PEX26: variants seen among roughly 807,000 people sequenced by gnomAD.
PEX26 encodes peroxisomal biogenesis factor 26, also known as peroxisome assembly protein 26.
In PEX26, 18 loss-of-function variants were observed where a neutral mutation model predicts 31.4. That is an observed-to-expected ratio of 0.57 (90% CI 0.40 to 0.85). The LOEUF (loss-of-function observed/expected upper bound fraction) is 0.85, where lower values mean the gene tolerates loss of function less well. Among genes scored for constraint, PEX26 ranks in the 40% least tolerant of loss-of-function variants. The probability of loss-of-function intolerance (pLI) is 0.00; values close to 1 mark genes in which losing one functional copy is unlikely to be tolerated. For synonymous variants in PEX26, 176 were observed against 166.9 expected (o/e 1.05, Z -0.42); for missense variants, 377 against 383.9 (o/e 0.98, Z 0.15).
In PEX26 at chr22:18,085,210, C is replaced by T. The variant is rs149976406; in HGVS notation, c.766C>T (p.Leu256Phe). ...CTTTTCTCTGCCCTTCAAAAAGAGT[C>T]TCCTGGCTGCCTTGATCCTCTGTCT... ...HFFSLPFKKS[L>F]LAALILCLLV... The change falls in exon 4 of 5, where the codon CTC (leucine) becomes TTC (phenylalanine). Residue 256 changes from leucine (L) to phenylalanine (F), a missense_variant. Physicochemically the swap from Leu to Phe is conservative, Grantham distance 22. Transcript: ENST00000399744. 1.9e-6 allele frequency: 3 copies of T among 1,614,172 alleles called. No individual in the cohort carries two copies. The highest frequency in any genetic ancestry group is 4.5e-5 in the East Asian group (2 of 44,884).
chr22:18,099,898 A>C lies in PEX26; in HGVS notation c.*11823A>C, dbSNP rs1469329955. ...CTGAATTTAAGAGCCACCCTAATCCAGGATGATCTCATCTTGAGGTCCTCA... is the reference window on the plus strand; with the variant it reads ...CTGAATTTAAGAGCCACCCTAATCCCGGATGATCTCATCTTGAGGTCCTCA... On this transcript the variant is annotated 3_prime_UTR_variant, in exon 5 of 5. Coordinates refer to ENST00000399744, the MANE Select transcript of PEX26 (RefSeq NM_001127649.3). The C allele has an allele frequency of 6.6e-6, 1 of 152,206 alleles. No individual in the cohort carries two copies. Among genetic ancestry groups the C allele is most frequent in the East Asian group, 1.9e-4 (1 of 5,198 alleles). The allele number at this position is 152,206 out of a possible 1,614,324, so 9.4% of individuals were successfully genotyped here.
chr22:18,098,944 CTG>C lies in PEX26; in HGVS notation c.*10872_*10873del, dbSNP rs1197648887. 1.3e-5 allele frequency: 2 copies of C among 152,208 alleles called. No homozygotes were observed. Among genetic ancestry groups the C allele is most frequent in the African/African-American group, 4.8e-5 (2 of 41,450 alleles). The allele number at this position is 152,208 out of a possible 1,614,324, so 9.4% of individuals were successfully genotyped here. On this transcript the variant is annotated 3_prime_UTR_variant, in exon 5 of 5. Coordinates refer to ENST00000399744, the MANE Select transcript of PEX26 (RefSeq NM_001127649.3). ...TAGATTTAAATGGTCCAATAGAGAA[CTG>C]TGCATACAATTACATAGGCAACCAC... is the stretch of plus-strand genomic sequence containing the variant.
intron 3 of PEX26, 121 bp downstream of exon 3, chr22:18,083,853 G>A: frequency 1.1e-6 from 1 of 914,574 alleles, no homozygotes; most frequent in Non-Finnish European, 1.7e-6. Flanking sequence ...TAACTCTTGA[G>A]TCACAGAATA....
chr22:18,086,040 G>A (rs1734230308), intron 4 of PEX26, among the ~76,000 whole-genome samples: 1 of 152,180 alleles, frequency 6.6e-6, no homozygotes, highest in African/African-American at 2.4e-5. Context: ...GCTCACACCT[G>A]TAATCCCAGC....
At position 18,089,419 on chromosome 22, in the gene PEX26, A is replaced by C. The variant is rs180675130; in HGVS notation, c.*1344A>C. 7 of 152,834 alleles carry C rather than the reference A, an allele frequency of 4.6e-5. No homozygotes were observed. The East Asian group carries it at 1.3e-3, about 29-fold the overall frequency. 9.5% of individuals were successfully genotyped at this position (152,834 alleles called of 1,614,324 possible). A position where few individuals can be genotyped will look rare whatever the true frequency, so the allele number is the denominator to read the frequency against. On this transcript the variant is annotated 3_prime_UTR_variant, in exon 5 of 5. Coordinates refer to ENST00000399744, the MANE Select transcript of PEX26 (RefSeq NM_001127649.3). ...AACAATAAAACCTTAGGGAGGTGGCACCGAGGCCTTAGCATTTGAGGAGCT... is the reference window on the plus strand; with the variant it reads ...AACAATAAAACCTTAGGGAGGTGGCCCCGAGGCCTTAGCATTTGAGGAGCT...
rs957385441 is a variant in PEX26, at chr22:18,104,203, C to T, written c.*16128C>T. The T allele has an allele frequency of 9.2e-5, 14 of 152,078 alleles. No homozygotes were observed. The highest frequency in any genetic ancestry group is 3.9e-4 in the Admixed American group (6 of 15,236). The allele number at this position is 152,078 out of a possible 1,614,324, so 9.4% of individuals were successfully genotyped here. ...CTTTCCTAGTCTATCCCACACAGACCTTTAGGTGCTCTTTTTTTTCTTTTT... is the reference window on the plus strand; with the variant it reads ...CTTTCCTAGTCTATCCCACACAGACTTTTAGGTGCTCTTTTTTTTCTTTTT... On this transcript the variant is annotated 3_prime_UTR_variant, in exon 5 of 5. Transcript: ENST00000399744.
intron 2 of PEX26, 93 bp from the exon 3 acceptor site, chr22:18,083,344 C>A: frequency 7.7e-7 from 1 of 1,301,356 alleles, no homozygotes; most frequent in Non-Finnish European, 1.1e-6. Flanking sequence ...TGAGGAGGGG[C>A]TGGATAGGAG....
rs361571 is a variant in PEX26, at chr22:18,089,733, T to TCTCA, written c.*1661_*1662insACTC. The stretch of plus-strand genomic sequence containing the variant: ...TTGTTTGTTTGTTTTTGAGATGGAG[T>TCTCA]CTCTGTCACCCAGGCTGGAGTGCAG... On this transcript the variant is annotated 3_prime_UTR_variant, in exon 5 of 5. Transcript: ENST00000399744. 151,571 of 152,818 alleles carry TCTCA rather than the reference T, an allele frequency of 0.99. 75,179 individuals are homozygous for TCTCA. The highest frequency in any genetic ancestry group is 1 in the East Asian group (5,200 of 5,202). 9.5% of individuals were successfully genotyped at this position (152,818 alleles called of 1,614,324 possible). A position where few individuals can be genotyped will look rare whatever the true frequency, so the allele number is the denominator to read the frequency against.
rs1927578565 is a variant in PEX26 at position 18,105,156 on chromosome 22, A to G, written c.*17081A>G. The stretch of plus-strand genomic sequence containing the variant: ...ATCATGACCTCCATCTGTAACACCC[A>G]CCATCCTGGAGCAGCATCCTGGATA... On this transcript the variant is annotated 3_prime_UTR_variant, in exon 5 of 5. Coordinates refer to ENST00000399744, the MANE Select transcript of PEX26 (RefSeq NM_001127649.3). The G allele has an allele frequency of 6.6e-6, 1 of 152,106 alleles. No individual in the cohort carries two copies. The allele number at this position is 152,106 out of a possible 1,614,324, so 9.4% of individuals were successfully genotyped here. A position where few individuals can be genotyped will look rare whatever the true frequency, so the allele number is the denominator to read the frequency against.
At chr22:18,087,764 G>A (rs182483448) in intron 4 of PEX26, among the ~76,000 whole-genome samples, 4 of 152,290 alleles carry the variant, frequency 2.6e-5, no homozygotes, top group Admixed American at 2.0e-4. Context: ...GCTGAGGATC[G>A]CATGAGCCCC....
rs1228893175 is a variant in PEX26 at position 18,105,028 on chromosome 22, C to T, written c.*16953C>T. 2 of 152,154 alleles carry T rather than the reference C, an allele frequency of 1.3e-5. No homozygotes were observed. Among genetic ancestry groups the T allele is most frequent in the Non-Finnish European group, 2.9e-5 (2 of 68,048 alleles). The allele number at this position is 152,154 out of a possible 1,614,324, so 9.4% of individuals were successfully genotyped here. A position where few individuals can be genotyped will look rare whatever the true frequency, so the allele number is the denominator to read the frequency against. ...TCTAGATAATCTAATGGTAAGATAT[C>T]GTTTGCTCTCTGGACTTCATGGGCT... On this transcript the variant is annotated 3_prime_UTR_variant, in exon 5 of 5. Coordinates refer to ENST00000399744, the MANE Select transcript of PEX26 (RefSeq NM_001127649.3).
intron 1 of PEX26, chr22:18,079,113 T>C (rs1926442438): frequency 1.6e-6 from 1 of 610,384 alleles, no homozygotes; most frequent in Non-Finnish European, 2.1e-6. Context: ...GGCAGGAGGA[T>C]TGCTTGAGCC....
rs1927002069 is a variant in PEX26, at chr22:18,089,694, T to TTTG, written c.*1621_*1622insGTT. The TTTG allele has an allele frequency of 8.0e-6, 1 of 124,678 alleles. No individual in the cohort carries two copies. Among genetic ancestry groups the TTTG allele is most frequent in the Admixed American group, 9.4e-5 (1 of 10,646 alleles). The allele number at this position is 124,678 out of a possible 1,614,324, so 7.7% of individuals were successfully genotyped here. ...TTGCAAGGCAACAAGTTTTCTTTTG[T>TTTG]TTTGTTTGTTTGTTTGTTTGTTTGT... On this transcript the variant is annotated 3_prime_UTR_variant, in exon 5 of 5. Transcript: ENST00000399744.
In PEX26 at chr22:18,095,763, A is replaced by C. The variant is rs1180777636; in HGVS notation, c.*7688A>C. 6.6e-6 allele frequency: 1 copy of C among 150,872 alleles called. No individual in the cohort carries two copies. The highest frequency in any genetic ancestry group is 1.5e-5 in the Non-Finnish European group (1 of 67,952). The allele number at this position is 150,872 out of a possible 1,614,324, so 9.3% of individuals were successfully genotyped here. A position where few individuals can be genotyped will look rare whatever the true frequency, so the allele number is the denominator to read the frequency against. On this transcript the variant is annotated 3_prime_UTR_variant, in exon 5 of 5. Transcript: ENST00000399744. Reference sequence around the variant, plus strand: ...CCCCAATGGAGTAATTTGCTGCGTAAATGAGAGACATCATGGGATTGTGGT... The same window carrying C: ...CCCCAATGGAGTAATTTGCTGCGTACATGAGAGACATCATGGGATTGTGGT...
chr22:18,084,244 T>C (rs1201850511), intron 3 of PEX26, among the ~76,000 whole-genome samples: 1 of 149,734 alleles, frequency 6.7e-6, no homozygotes, highest in Non-Finnish European at 1.5e-5. Flanking sequence ...TCTCTTTTTT[T>C]TTTTTTTTTT....
Position 18,093,529 on chromosome 22 carries a change from C to G in PEX26, c.*5454C>G, listed in dbSNP as rs1188153085. 2.0e-5 allele frequency: 3 copies of G among 150,804 alleles called. No homozygotes were observed. The highest frequency in any genetic ancestry group is 6.6e-5 in the Admixed American group (1 of 15,098). 9.3% of individuals were successfully genotyped at this position (150,804 alleles called of 1,614,324 possible). ...AGTGAGCCTAGATGGCGCCACTGCA[C>G]TCCAGCCTGGGGGACAGAGCAAGAC... On this transcript the variant is annotated 3_prime_UTR_variant, in exon 5 of 5. Coordinates refer to ENST00000399744, the MANE Select transcript of PEX26 (RefSeq NM_001127649.3).
chr22:18,079,057 G>C (rs900191155), intron 1 of PEX26: 1 of 188,716 alleles, frequency 5.3e-6, no homozygotes, highest in Admixed American at 6.5e-5. Flanking sequence ...ATTCAGGGCC[G>C]GGAGCTGGGG....
In PEX26 at chr22:18,096,783, A is replaced by T. The variant is rs1187702254; in HGVS notation, c.*8708A>T. ...ATTTCAGACCATGTTTAATTTTCTAAATATGCAATACATTCATAGGGTTTT... is the reference window on the plus strand; with the variant it reads ...ATTTCAGACCATGTTTAATTTTCTATATATGCAATACATTCATAGGGTTTT... On this transcript the variant is annotated 3_prime_UTR_variant, in exon 5 of 5. Transcript: ENST00000399744. 6.6e-6 allele frequency: 1 copy of T among 152,200 alleles called. No individual in the cohort carries two copies. Among genetic ancestry groups the T allele is most frequent in the Non-Finnish European group, 1.5e-5 (1 of 68,054 alleles). 9.4% of individuals were successfully genotyped at this position (152,200 alleles called of 1,614,324 possible). A position where few individuals can be genotyped will look rare whatever the true frequency, so the allele number is the denominator to read the frequency against.
At position 18,091,822 on chromosome 22, in the gene PEX26, C is replaced by T. The variant is rs539856147; in HGVS notation, c.*3747C>T. The T allele has an allele frequency of 6.6e-6, 1 of 152,208 alleles. No individual in the cohort carries two copies. Among genetic ancestry groups the T allele is most frequent in the Admixed American group, 6.5e-5 (1 of 15,278 alleles). The allele number at this position is 152,208 out of a possible 1,614,324, so 9.4% of individuals were successfully genotyped here. On this transcript the variant is annotated 3_prime_UTR_variant, in exon 5 of 5. Coordinates refer to ENST00000399744, the MANE Select transcript of PEX26 (RefSeq NM_001127649.3). ...CCAAAGCCTACAAGTACAGCAGCCC[C>T]AAGTTTAGGGTGAGCAGCAGTGGTC...
Sources: gnomAD v4.1 joint callset for allele counts (sites outside exome capture counted in the v4.1 genomes callset) on GRCh38, gnomAD v4.1.1 for gene constraint, MANE v1.5 for transcripts, NCBI Gene and HGNC (gene_info 2026-07-23, HGNC 2026-07-21) for gene names.